OXNAD1: variants seen among roughly 807,000 people sequenced by gnomAD.
The protein encoded by OXNAD1 is oxidoreductase NAD-binding domain-containing protein 1.
Under a neutral mutation model 32.9 loss-of-function variants are expected in OXNAD1, and 34 were observed. That is an observed-to-expected ratio of 1.03 (90% CI 0.79 to 1.38). The LOEUF is 1.38. OXNAD1 is among the 40% of genes most tolerant of loss of function. OXNAD1 has a pLI of 0.00. For synonymous variants in OXNAD1, 134 were observed against 135.2 expected, an observed-to-expected ratio of 0.99 and a Z score of 0.06; for missense variants, 407 against 379.4, an observed-to-expected ratio of 1.07 and a Z score of -0.60.
At position 16,303,860 on chromosome 3, in the gene OXNAD1, CAAAA is replaced by C. The variant is rs1015906101; in HGVS notation, c.*303_*306del. ...TATAGATTTTTCTTTTGTCTTTAGG[CAAAA>C]AAAAGATATATACTTATGTCTAATC... On this transcript the variant is annotated 3_prime_UTR_variant, in exon 9 of 9. Transcript: ENST00000285083. The surrounding 1 kb of genome is among the most constrained non-coding windows in gnomAD (Gnocchi z 4.8). 1 of 196,738 alleles carries C rather than the reference CAAAA, an allele frequency of 5.1e-6. No homozygotes were observed. 12.2% of individuals were successfully genotyped at this position (196,738 alleles called of 1,614,324 possible).
intron 4 of OXNAD1, among the ~76,000 whole-genome samples, chr3:16,273,813 T>C (rs2065133617): frequency 6.6e-6 from 1 of 152,220 alleles, no homozygotes; most frequent in South Asian, 2.1e-4. Flanking sequence ...CATATCTATT[T>C]CTCACATTTT....
In OXNAD1 at chr3:16,287,269, G is replaced by A. The variant is rs370597809; in HGVS notation, c.290+821G>A. 3.9e-5 allele frequency among the ~76,000 whole-genome samples: 6 copies of A among 152,312 alleles called. No homozygotes were observed. In the East Asian group the frequency reaches 7.7e-4, roughly 20 times the overall value. On this transcript the variant is annotated intron_variant, in intron 5 of 8. Transcript: ENST00000285083. This position sits in a 1 kb window ranked among gnomAD's most constrained non-coding sequence, Gnocchi z 4.8. ...TGATAGTGTTTCTTAGGAGTCACTT[G>A]ACTAATTTTGGCAGTCCATCTGGAA...
chr3:16,282,500 C>A (rs2125027444), intron 4 of OXNAD1, among the ~76,000 whole-genome samples: 1 of 152,206 alleles, frequency 6.6e-6, no homozygotes, highest in East Asian at 1.9e-4. Context: ...GGGCCCTGTG[C>A]TTCATCTAGG....
In OXNAD1 at chr3:16,302,784, C is replaced by T. The variant is rs1575153793; in HGVS notation, c.784+36C>T. 2.0e-6 allele frequency: 3 copies of T among 1,478,742 alleles called. No homozygotes were observed. The highest frequency in any genetic ancestry group is 1.4e-5 in the African/African-American group (1 of 71,800). The allele number at this position is 1,478,742 out of a possible 1,614,324, so 91.6% of individuals were successfully genotyped here. A position where few individuals can be genotyped will look rare whatever the true frequency, so the allele number is the denominator to read the frequency against. On this transcript the variant is annotated intron_variant, in intron 8 of 8. Transcript: ENST00000285083. This position sits in a 1 kb window ranked among gnomAD's most constrained non-coding sequence, Gnocchi z 4.2. ...TAAAGATATTTTGACTATCTCCATG[C>T]AGTTATTTGATGGACACACCAGTTG...
At chr3:16,339,695 C>T (rs2071180654), downstream of OXNAD1, 1 of 152,236 alleles carries the variant, frequency 6.6e-6, no homozygotes, top group African/African-American at 2.4e-5. Flanking sequence ...CTTCCCTGTC[C>T]TACCATTTCC....
At chr3:16,313,204 G>GGTTTTTTTTTTTTTT (rs2068092292) in intron 9 of OXNAD1, among the ~76,000 whole-genome samples, 1 of 96,178 alleles carries the variant, frequency 1.0e-5, no homozygotes, top group African/African-American at 6.2e-5. Flanking sequence ...ACACCCAGCG[G>GGTTTTTTTTTTTTTT]ATTTTTTTTT....
In OXNAD1 at chr3:16,312,392, T is replaced by G. The variant is rs1014357332; in HGVS notation, c.*30+8800T>G. On this transcript the variant is annotated intron_variant, in intron 9 of 9. Transcript: ENST00000435829. This position sits in a 1 kb window ranked among gnomAD's most constrained non-coding sequence, Gnocchi z 4.7. ...ACTCACGCAGTTGGCCTCCAGCACT[T>G]CCAGCAGGGCTCTTGGAAACAAGAT... Among the ~76,000 whole-genome samples the G allele has an allele frequency of 6.6e-6, 1 of 152,206 alleles. No individual in the cohort carries two copies. Among genetic ancestry groups the G allele is most frequent in the Non-Finnish European group, 1.5e-5 (1 of 68,030 alleles).
Position 16,268,626 on chromosome 3 carries a change from C to T in OXNAD1, c.-158-500C>T, listed in dbSNP as rs560897741. On this transcript the variant is annotated intron_variant, in intron 1 of 8. Transcript: ENST00000285083. ...GATTACAGATATGAGCCACTGTGCC[C>T]GGGAAGAACTACTTTTAAAATTAAC... is the stretch of plus-strand genomic sequence containing the variant. 7.9e-5 allele frequency among the ~76,000 whole-genome samples: 12 copies of T among 152,030 alleles called. No homozygotes were observed. In the South Asian group the frequency reaches 1.0e-3, roughly 13 times the overall value.
chr3:16,323,457 G>A lies in OXNAD1; in HGVS notation c.*31-13655G>A, dbSNP rs142197217. ...TCTGCTTGGTGGATACACTCCCCTC[G>A]CTGTAACACACGGAGCTGAGAATGA... On this transcript the variant is annotated intron_variant, in intron 9 of 9. Coordinates refer to the OXNAD1 transcript ENST00000435829. 228 of 1,609,352 alleles carry A rather than the reference G, an allele frequency of 1.4e-4. 1 individual carries two copies. Among genetic ancestry groups the A allele is most frequent in the African/African-American group, 7.6e-4 (57 of 74,610 alleles).
rs904155705 is a variant in OXNAD1 at position 16,327,292 on chromosome 3, ATCAAG to A, written c.*31-9817_*31-9813del. On this transcript the variant is annotated intron_variant, in intron 9 of 9. Transcript: ENST00000435829. This position sits in a 1 kb window ranked among gnomAD's most constrained non-coding sequence, Gnocchi z 4.2. ...GGAGTTAACTTACATTTGACAAATG[ATCAAG>A]TCGTTTATGTCCAGCCACAGCAACA... 1.3e-5 allele frequency among the ~76,000 whole-genome samples: 2 copies of A among 152,132 alleles called. No homozygotes were observed. The highest frequency in any genetic ancestry group is 4.8e-5 in the African/African-American group (2 of 41,404).
intron 4 of OXNAD1, among the ~76,000 whole-genome samples, chr3:16,278,882 A>C (rs776926730): frequency 6.6e-6 from 1 of 152,140 alleles, no homozygotes; most frequent in Non-Finnish European, 1.5e-5. Flanking sequence ...GATCTTGATG[A>C]GGCTTGGGTT....
chr3:16,276,515 ATT>A (rs35338490), intron 4 of OXNAD1: 57,751 of 143,448 alleles, frequency 0.4, 11,196 homozygotes, highest in East Asian at 0.59. Context: ...CAATCTTGCT[ATT>A]TTTTTTTTTT....
At chr3:16,318,916 C>T (rs1161617998) in intron 9 of OXNAD1, among the ~76,000 whole-genome samples, 1 of 152,206 alleles carries the variant, frequency 6.6e-6, no homozygotes, top group African/African-American at 2.4e-5. Context: ...TAAGTGGTGT[C>T]TCAGACCCAC....
intron 2 of OXNAD1, 52 bp from the exon 3 acceptor site, chr3:16,270,893 T>C: frequency 1.2e-6 from 2 of 1,610,382 alleles, no homozygotes; most frequent in Non-Finnish European, 1.7e-6. Context: ...TAGTCTGATA[T>C]TTCCCCACTT....
intron 9 of OXNAD1, among the ~76,000 whole-genome samples, chr3:16,333,887 C>G (rs180908805): frequency 5.9e-5 from 9 of 152,176 alleles, no homozygotes; most frequent in African/African-American, 2.2e-4. Flanking sequence ...AACTACCAGC[C>G]GGGCGTGGTG....
At chr3:16,318,486 G>A (rs55977707) in intron 9 of OXNAD1, among the ~76,000 whole-genome samples, 23,269 of 151,982 alleles carry the variant, frequency 0.15, 1,842 homozygotes, top group African/African-American at 0.19. Flanking sequence ...GCTTTGCTAG[G>A]AAAAACCAAA....
chr3:16,294,845 T>C lies in OXNAD1; in HGVS notation c.291-11T>C, dbSNP rs779098242. The C allele has an allele frequency of 6.2e-7, 1 of 1,603,146 alleles. No individual in the cohort carries two copies. The highest frequency in any genetic ancestry group is 8.5e-7 in the Non-Finnish European group (1 of 1,175,998). On this transcript the variant is annotated splice_polypyrimidine_tract_variant and intron_variant, in intron 5 of 8. Transcript: ENST00000285083. ...CTTCAACAATAATCATTTATTTGGC[T>C]TTCTTTTTAGGGTTGATTTCTTTAT...
Position 16,270,989 on chromosome 3 carries a change from C to G in OXNAD1, c.37C>G (p.Arg13Gly). ...TGCTGTTATGATTCCTGGGTTGTTG[C>G]GGTGCTCTGTTGGAGCCATCCGTAT... ...CAAVMIPGLLRCSVGAIRIEA... is the reference protein window; with the variant it reads ...CAAVMIPGLLGCSVGAIRIEA... Residue 13 changes from arginine to glycine, a missense_variant, in exon 3 of 9, where the codon CGG becomes GGG. Arg to Gly is a moderately radical substitution (Grantham distance 125). Coordinates refer to ENST00000285083, the MANE Select transcript of OXNAD1 (RefSeq NM_138381.5). 1 of 1,614,148 alleles carries G rather than the reference C, an allele frequency of 6.2e-7. No homozygotes were observed. Among genetic ancestry groups the G allele is most frequent in the South Asian group, 1.1e-5 (1 of 91,082 alleles).
downstream of OXNAD1, chr3:16,339,721 C>G (rs1486787430): frequency 6.6e-6 from 1 of 152,232 alleles, no homozygotes; most frequent in Non-Finnish European, 1.5e-5. Flanking sequence ...TTGATCATGA[C>G]TTGGTGCTTC....
Sources: gnomAD v4.1 joint callset for allele counts (sites outside exome capture counted in the v4.1 genomes callset) on GRCh38, gnomAD v4.1.1 for gene constraint, Gnocchi (gnomAD v3.1) non-coding constraint, MANE v1.5 for transcripts, NCBI Gene and HGNC (gene_info 2026-07-23, HGNC 2026-07-21) for gene names.